MYT1L: variants seen among roughly 807,000 people sequenced by gnomAD.
MYT1L encodes the protein myelin transcription factor 1-like protein.
MYT1L carries 12 observed loss-of-function variants against 126.7 expected under a neutral mutation model. The observed-to-expected ratio is 0.09, with a 90% CI of 0.06 to 0.15. The LOEUF (loss-of-function observed/expected upper bound fraction) is 0.15, where lower values mean the gene tolerates loss of function less well. MYT1L is among the 10% of genes least tolerant of loss of function. The pLI is 1.00. For missense variants in MYT1L, 979 were observed against 1,585.2 expected, an observed-to-expected ratio of 0.62 and a Z score of 6.49; for synonymous variants, 541 against 604.2, an observed-to-expected ratio of 0.90 and a Z score of 1.53.
intron 8 of MYT1L, among the ~76,000 whole-genome samples, chr2:1,963,460 C>G (rs1365341368): frequency 6.6e-6 from 1 of 152,216 alleles, no homozygotes; most frequent in Non-Finnish European, 1.5e-5. Context: ...ACAAGAGAGA[C>G]AGCCTGTCCT....
At chr2:1,963,802 C>A (rs767788480) in intron 8 of MYT1L, among the ~76,000 whole-genome samples, 1 of 152,242 alleles carries the variant, frequency 6.6e-6, no homozygotes, top group Non-Finnish European at 1.5e-5. Flanking sequence ...TTCTGAGTAG[C>A]CTCTGGCTTT....
At chr2:2,078,240 T>G (rs1266989757) in intron 3 of MYT1L, among the ~76,000 whole-genome samples, 1 of 152,112 alleles carries the variant, frequency 6.6e-6, no homozygotes, top group Non-Finnish European at 1.5e-5. Context: ...AATAATATTT[T>G]TAACAAGAAT....
At chr2:2,197,078 T>C (rs1355228944) in intron 2 of MYT1L, among the ~76,000 whole-genome samples, 1 of 152,174 alleles carries the variant, frequency 6.6e-6, no homozygotes, top group African/African-American at 2.4e-5. Context: ...AGGCCCATCA[T>C]TGGCTATTAT....
At chr2:1,833,920 C>T (rs138194174) in intron 21 of MYT1L, among the ~76,000 whole-genome samples, 17 of 152,316 alleles carry the variant, frequency 1.1e-4, no homozygotes, top group African/African-American at 3.4e-4. Flanking sequence ...GAAGTGGAAA[C>T]GATTTCACAG....
chr2:1,956,191 G>GTCTGTCTGTCTGTCTGTCTATCTA (rs1553354694), intron 8 of MYT1L, among the ~76,000 whole-genome samples: 2 of 145,986 alleles, frequency 1.4e-5, no homozygotes. Context: ...TTACCTAGCT[G>GTCTGTCTGTCTGTCTGTCTATCTA]TCTATCTATC....
intron 8 of MYT1L, among the ~76,000 whole-genome samples, chr2:1,972,936 C>T (rs1229733519): frequency 6.6e-6 from 1 of 152,216 alleles, no homozygotes; most frequent in Non-Finnish European, 1.5e-5. Flanking sequence ...TACCAATACC[C>T]ATCACCTAAC....
intron 4 of MYT1L, among the ~76,000 whole-genome samples, chr2:2,042,697 C>T (rs887082289): frequency 3.0e-4 from 45 of 152,162 alleles, no homozygotes; most frequent in Non-Finnish European, 4.6e-4. Context: ...TCCCTGTCAC[C>T]CACCCTGAGG....
At chr2:2,056,108 T>G (rs765425082) in intron 3 of MYT1L, among the ~76,000 whole-genome samples, 8 of 152,244 alleles carry the variant, frequency 5.3e-5, no homozygotes, top group African/African-American at 1.9e-4. Flanking sequence ...AGGTTTTATT[T>G]GGAGCGTGCT....
At chr2:1,924,620 C>A (rs556824381) in intron 9 of MYT1L, among the ~76,000 whole-genome samples, 7 of 152,152 alleles carry the variant, frequency 4.6e-5, no homozygotes, top group Non-Finnish European at 8.8e-5. Flanking sequence ...TCCTTATTAT[C>A]CCACGCTGAA....
At chr2:2,198,148 G>A (rs2092907224) in intron 2 of MYT1L, among the ~76,000 whole-genome samples, 1 of 152,106 alleles carries the variant, frequency 6.6e-6, no homozygotes, top group South Asian at 2.1e-4. Flanking sequence ...AATGTTAAGT[G>A]AAATAAGCCA....
At chr2:2,160,959 G>A (rs1459653973) in intron 3 of MYT1L, among the ~76,000 whole-genome samples, 1 of 152,154 alleles carries the variant, frequency 6.6e-6, no homozygotes, top group African/African-American at 2.4e-5. Context: ...GCTCACACCT[G>A]TAATCCCAGC....
At chr2:2,215,341 A>G (rs1033204113) in intron 2 of MYT1L, among the ~76,000 whole-genome samples, 1 of 152,204 alleles carries the variant, frequency 6.6e-6, no homozygotes, top group African/African-American at 2.4e-5. Context: ...TAAACATAAA[A>G]AGATGAAAAA....
At chr2:1,960,455 T>C (rs946438613) in intron 8 of MYT1L, among the ~76,000 whole-genome samples, 2 of 152,230 alleles carry the variant, frequency 1.3e-5, no homozygotes, top group African/African-American at 4.8e-5. Flanking sequence ...AATGTCAAGT[T>C]TGAAATTTTT....
At chr2:2,223,891 C>T (rs1023360037) in intron 2 of MYT1L, among the ~76,000 whole-genome samples, 1 of 152,172 alleles carries the variant, frequency 6.6e-6, no homozygotes, top group Non-Finnish European at 1.5e-5. Context: ...CAGCTGGAGG[C>T]ACTCCACCAC....
chr2:1,970,631 G>A (rs965069109), intron 8 of MYT1L, among the ~76,000 whole-genome samples: 4 of 152,170 alleles, frequency 2.6e-5, no homozygotes, highest in Non-Finnish European at 5.9e-5. Context: ...TTGTGGCTGC[G>A]GGGAATTGCA....
At chr2:1,870,759 C>T (rs1463408766) in intron 18 of MYT1L, among the ~76,000 whole-genome samples, 1 of 152,230 alleles carries the variant, frequency 6.6e-6, no homozygotes, top group African/African-American at 2.4e-5. Flanking sequence ...TTTGCTACTC[C>T]AGTTACGGAA....
At position 1,887,409 on chromosome 2, in the gene MYT1L, T is replaced by A; in HGVS notation, c.2642+79A>T. The A allele has an allele frequency of 6.3e-7, 1 of 1,589,120 alleles. No homozygotes were observed. The highest frequency in any genetic ancestry group is 8.6e-7 in the Non-Finnish European group (1 of 1,158,590). On this transcript the variant is annotated intron_variant, in intron 17 of 24. Transcript: ENST00000647738. This position sits in a 1 kb window ranked among gnomAD's most constrained non-coding sequence, Gnocchi z 4.8. ...TCGCATGCTCAAACGGCAAGGCATA[T>A]ACAGATCCAGTTTTAAAAAATCAGC... is the stretch of plus-strand genomic sequence containing the variant.
intron 18 of MYT1L, among the ~76,000 whole-genome samples, chr2:1,861,997 A>ATCTGCCTGCAGCCTGAGT (rs1558192114): frequency 8.6e-5 from 13 of 151,428 alleles, no homozygotes; most frequent in African/African-American, 1.5e-4. Flanking sequence ...GTAATCCTGG[A>ATCTGCCTGCAGCCTGAGT]ATTCGCTGAG....
chr2:1,971,953 A>G (rs1342405129), intron 8 of MYT1L, among the ~76,000 whole-genome samples: 1 of 152,182 alleles, frequency 6.6e-6, no homozygotes, highest in African/African-American at 2.4e-5. Flanking sequence ...ATGCCATGCT[A>G]TCAAACTAAT....
Sources: gnomAD v4.1 joint callset for allele counts (sites outside exome capture counted in the v4.1 genomes callset) on GRCh38, gnomAD v4.1.1 for gene constraint, Gnocchi (gnomAD v3.1) non-coding constraint, MANE v1.5 for transcripts, NCBI Gene and HGNC (gene_info 2026-07-23, HGNC 2026-07-21) for gene names.